Variants in MYRIP observed in about 807,000 individuals in gnomAD.
MYRIP encodes myosin VIIA and Rab interacting protein, also known as rab effector MyRIP.
A neutral mutation model predicts 98.0 loss-of-function variants in MYRIP; 49 were observed. The observed-to-expected ratio is 0.50, with a 90% CI of 0.40 to 0.63. MYRIP has a LOEUF of 0.63. MYRIP is among the 30% of genes least tolerant of loss of function. The pLI, the probability that MYRIP is intolerant of heterozygous loss-of-function variation, is 0.00. For synonymous variants in MYRIP, 404 were observed against 409.5 expected (o/e 0.99, Z 0.16); for missense variants, 1,004 against 1,058.2 (o/e 0.95, Z 0.71).
chr3:40,109,162 G>A (rs1949110811), intron 3 of MYRIP, among the ~76,000 whole-genome samples: 2 of 151,926 alleles, frequency 1.3e-5, no homozygotes, highest in Non-Finnish European at 2.9e-5. Context: ...GGGTACATGT[G>A]CGCTTCCCCA....
intron 1 of MYRIP, among the ~76,000 whole-genome samples, chr3:39,894,053 A>T (rs1943548019): frequency 6.6e-6 from 1 of 152,186 alleles, no homozygotes; most frequent in African/African-American, 2.4e-5. Context: ...GCATCATACG[A>T]AATTTTATCA....
In MYRIP at chr3:40,239,177, C is replaced by G. The variant is rs916889620; in HGVS notation, c.2100+5124C>G. 5.3e-5 allele frequency among the ~76,000 whole-genome samples: 8 copies of G among 151,350 alleles called. No homozygotes were observed. The East Asian group carries it at 1.6e-3, about 30-fold the overall frequency. ...GCAGTGTTTGGTTTTTTGTTCTTGC[C>G]ATAGTTTACTGAGAATGATGATTTC... On this transcript the variant is annotated intron_variant, in intron 12 of 16. Coordinates refer to ENST00000302541, the MANE Select transcript of MYRIP (RefSeq NM_015460.4).
At chr3:39,883,914 C>T (rs926262818) in intron 1 of MYRIP, among the ~76,000 whole-genome samples, 3 of 151,882 alleles carry the variant, frequency 2.0e-5, no homozygotes, top group Non-Finnish European at 2.9e-5. Flanking sequence ...AGTTATTATT[C>T]GAAGACAAGG....
At chr3:40,231,763 TCTAA>T (rs1952666646) in intron 11 of MYRIP, among the ~76,000 whole-genome samples, 2 of 152,206 alleles carry the variant, frequency 1.3e-5, no homozygotes, top group South Asian at 4.1e-4. Flanking sequence ...CATGCTATGG[TCTAA>T]CTTTTTTTTC....
At chr3:39,825,054 T>C (rs190380400) in intron 1 of MYRIP, among the ~76,000 whole-genome samples, 462 of 152,336 alleles carry the variant, frequency 3.0e-3, no homozygotes, top group Admixed American at 5.9e-3. Flanking sequence ...TGTTGTATAC[T>C]ACAACTTTAT....
intron 3 of MYRIP, among the ~76,000 whole-genome samples, chr3:40,092,740 C>T (rs1488162261): frequency 6.6e-6 from 1 of 152,130 alleles, no homozygotes; most frequent in Non-Finnish European, 1.5e-5. Context: ...TCCAAGTCAC[C>T]CAGCAAATAA....
At chr3:40,225,425 T>G (rs1012473100) in intron 11 of MYRIP, among the ~76,000 whole-genome samples, 2 of 152,194 alleles carry the variant, frequency 1.3e-5, no homozygotes, top group African/African-American at 2.4e-5. Context: ...GTCGTTAGAC[T>G]CCTCTCTTCC....
chr3:39,814,847 A>G (rs1940843894), intron 1 of MYRIP, among the ~76,000 whole-genome samples: 1 of 152,188 alleles, frequency 6.6e-6, no homozygotes, highest in African/African-American at 2.4e-5. Context: ...TAATTAGAGG[A>G]GACTTTTACC....
intron 2 of MYRIP, among the ~76,000 whole-genome samples, chr3:39,974,744 C>T (rs977603846): frequency 6.6e-5 from 10 of 152,162 alleles, no homozygotes; most frequent in African/African-American, 2.4e-4. Context: ...GCTGGTTCAA[C>T]ATATGCAAAT....
At chr3:40,037,421 C>T (rs1176394139) in intron 2 of MYRIP, among the ~76,000 whole-genome samples, 4 of 151,988 alleles carry the variant, frequency 2.6e-5, no homozygotes, top group Non-Finnish European at 5.9e-5. Flanking sequence ...GCCTAGTTCC[C>T]AGCTTGTCTT....
chr3:40,118,382 AAGGG>A (rs1171301415), intron 3 of MYRIP, among the ~76,000 whole-genome samples: 2 of 152,174 alleles, frequency 1.3e-5, no homozygotes, highest in Non-Finnish European at 2.9e-5. Context: ...CCTGTATGCA[AAGGG>A]ACAGGTGTAA....
At position 40,028,309 on chromosome 3, in the gene MYRIP, C is replaced by T. The variant is rs532534373; in HGVS notation, c.111-15741C>T. 3.9e-5 allele frequency among the ~76,000 whole-genome samples: 6 copies of T among 152,274 alleles called. No individual in the cohort carries two copies. The South Asian group carries it at 1.2e-3, about 32-fold the overall frequency. ...TGCTAAAGATCAGACTAAGCATGTT[C>T]AACATCTTTAGGGAAATGCAAATAA... On this transcript the variant is annotated intron_variant, in intron 2 of 16. Coordinates refer to ENST00000302541, the MANE Select transcript of MYRIP (RefSeq NM_015460.4).
intron 12 of MYRIP, among the ~76,000 whole-genome samples, chr3:40,241,974 AAAATCTG>A (rs1346159920): frequency 6.6e-6 from 1 of 152,216 alleles, no homozygotes; most frequent in Non-Finnish European, 1.5e-5. Context: ...CCTTTATGTT[AAAATCTG>A]AAATGCAAAA....
At position 40,189,921 on chromosome 3, in the gene MYRIP, G is replaced by T; in HGVS notation, c.1123G>T (p.Gly375Trp). The T allele has an allele frequency of 6.2e-7, 1 of 1,614,194 alleles. No homozygotes were observed. Among genetic ancestry groups the T allele is most frequent in the Non-Finnish European group, 8.5e-7 (1 of 1,180,052 alleles). The change falls in exon 10 of 17, where the codon GGG (glycine) becomes TGG (tryptophan). Residue 375 changes from glycine to tryptophan, a missense_variant. Gly to Trp is a radical substitution (Grantham distance 184). This residue lies in a region of MYRIP where 880 missense variants were observed against 907.7 expected (regional missense o/e 0.97). Coordinates refer to ENST00000302541, the MANE Select transcript of MYRIP (RefSeq NM_015460.4). ...PTRLLAKPKS[G>W]TFQALEVASS... ...CCGACTACTGGCCAAACCTAAGAGC[G>T]GGACGTTTCAGGCCCTGGAGGTGGC...
chr3:40,057,053 G>A (rs1947900252), intron 3 of MYRIP, among the ~76,000 whole-genome samples: 2 of 152,028 alleles, frequency 1.3e-5, no homozygotes, highest in South Asian at 4.1e-4. Flanking sequence ...CAGTGTTGCC[G>A]GCTTCTCTAG....
In MYRIP at chr3:39,884,129, C is replaced by T. The variant is rs148295573; in HGVS notation, c.-30-16658C>T. ...ACAATGGATTGTAGCTGATATCTGA[C>T]TAGAAACCAGTAGAATATCTGGAAG... On this transcript the variant is annotated intron_variant, in intron 1 of 16. Coordinates refer to ENST00000302541, the MANE Select transcript of MYRIP (RefSeq NM_015460.4). Among the ~76,000 whole-genome samples the T allele has an allele frequency of 5.6e-3, 848 of 152,182 alleles. 2 individuals are homozygous for T. The highest frequency in any genetic ancestry group is 0.013 in the Admixed American group (194 of 15,264).
At position 39,912,755 on chromosome 3, in the gene MYRIP, C is replaced by A. The variant is rs141383485; in HGVS notation, c.110+11829C>A. 1.1e-4 allele frequency among the ~76,000 whole-genome samples: 16 copies of A among 152,236 alleles called. No individual in the cohort carries two copies. The East Asian group carries it at 3.1e-3, about 29-fold the overall frequency. On this transcript the variant is annotated intron_variant, in intron 2 of 16. Transcript: ENST00000302541. ...CTGTAATATCAACTAAAGGTAAATT[C>A]TTGGCTGGGCATAGTGGCTCATGCC...
At chr3:39,951,633 C>T (rs927200634) in intron 2 of MYRIP, among the ~76,000 whole-genome samples, 1 of 152,066 alleles carries the variant, frequency 6.6e-6, no homozygotes, top group Non-Finnish European at 1.5e-5. Flanking sequence ...GTAATTTTCA[C>T]ATTATGAAAT....
At chr3:40,229,657 T>C (rs1440557178) in intron 11 of MYRIP, among the ~76,000 whole-genome samples, 1 of 152,206 alleles carries the variant, frequency 6.6e-6, no homozygotes, top group Non-Finnish European at 1.5e-5. Flanking sequence ...TGTGGTGGGC[T>C]TGCAACACCA....
Sources: allele counts gnomAD v4.1 joint callset (sites outside exome capture counted in the v4.1 genomes callset), GRCh38; gene constraint gnomAD v4.1.1; regional missense constraint gnomAD v4.1.1; transcripts MANE v1.5; gene names NCBI Gene and HGNC (gene_info 2026-07-23, HGNC 2026-07-21).